The following BTG3 variants were observed in gnomAD, a reference collection of about 807,000 sequenced individuals.
BTG3 encodes the protein protein BTG3.
Under a neutral mutation model 25.8 loss-of-function variants are expected in BTG3, and 4 were observed. That is an observed-to-expected ratio of 0.16 (90% CI 0.08 to 0.36). The LOEUF is 0.36. Among genes scored for constraint, BTG3 ranks in the 10% least tolerant of loss-of-function variants. BTG3 has a pLI of 1.00. For missense variants in BTG3, 201 were observed against 304.9 expected, an observed-to-expected ratio of 0.66 and a Z score of 2.54; for synonymous variants, 107 against 99.9, an observed-to-expected ratio of 1.07 and a Z score of -0.42.
intron 3 of BTG3, among the ~76,000 whole-genome samples, chr21:17,600,563 G>A (rs1198894536): frequency 6.6e-6 from 1 of 152,112 alleles, no homozygotes; most frequent in African/African-American, 2.4e-5. Flanking sequence ...GCTTACACCT[G>A]TAATTCCAGC....
intron 2 of BTG3, among the ~76,000 whole-genome samples, chr21:17,608,441 G>A (rs1029936582): frequency 8.6e-5 from 13 of 151,608 alleles, no homozygotes; most frequent in Non-Finnish European, 1.5e-4. Flanking sequence ...TCACAGGTGA[G>A]TCACATTCAT....
Position 17,598,644 on chromosome 21 carries a change from C to G in BTG3, c.492G>C (p.Val164=), listed in dbSNP as rs368018112. 9.3e-6 allele frequency: 15 copies of G among 1,613,954 alleles called. No homozygotes were observed. The highest frequency in any genetic ancestry group is 1.3e-5 in the Non-Finnish European group (15 of 1,180,014). The stretch of plus-strand genomic sequence containing the variant: ...GGTACACAGGACTTGCGGCTGCAGT[C>G]ACCGAACTGGGTTTCACTTCCATTT... ...SKEMEVKPSS[V]TAAASPVYQI... is the part of the protein sequence containing the mutation. The change falls in exon 4 of 5, where the codon GTG becomes GTC. Residue 164 remains valine, a synonymous_variant. Transcript: ENST00000348354.
At chr21:17,600,157 A>C (rs1264274911) in intron 3 of BTG3, among the ~76,000 whole-genome samples, 1 of 152,182 alleles carries the variant, frequency 6.6e-6, no homozygotes, top group Non-Finnish European at 1.5e-5. Context: ...AAAATTCTGA[A>C]CTGTAGGAAA....
intron 3 of BTG3, among the ~76,000 whole-genome samples, chr21:17,599,454 AC>A (rs1221070700): frequency 1.0e-4 from 15 of 146,706 alleles, no homozygotes; most frequent in East Asian, 1.0e-3. Flanking sequence ...TGCTAGAATT[AC>A]AGGCATGCGC....
At position 17,598,664 on chromosome 21, in the gene BTG3, C is replaced by G; in HGVS notation, c.472G>C (p.Glu158Gln). 1 of 1,614,118 alleles carries G rather than the reference C, an allele frequency of 6.2e-7. No individual in the cohort carries two copies. The highest frequency in any genetic ancestry group is 8.5e-7 in the Non-Finnish European group (1 of 1,180,028). ...GCAGTCACCGAACTGGGTTTCACTT[C>G]CATTTCCTTACTTGTTTCTTCATCT... ...SSDEETSKEM[E>Q]VKPSSVTAAA... is the part of the protein sequence containing the mutation. Residue 158 changes from glutamate (E) to glutamine (Q), a missense_variant, in exon 4 of 5, where the codon GAA (glutamate) becomes CAA (glutamine). Coordinates refer to ENST00000348354, the MANE Select transcript of BTG3 (RefSeq NM_006806.5).
At chr21:17,607,788 G>A (rs932747881) in intron 2 of BTG3, among the ~76,000 whole-genome samples, 1 of 152,092 alleles carries the variant, frequency 6.6e-6, no homozygotes, top group Non-Finnish European at 1.5e-5. Flanking sequence ...TTTATTTCTC[G>A]TGGCCACATC....
chr21:17,606,537 A>G (rs2061645040), intron 2 of BTG3, among the ~76,000 whole-genome samples: 1 of 152,160 alleles, frequency 6.6e-6, no homozygotes, highest in South Asian at 2.1e-4. Flanking sequence ...AGTTAAGGAT[A>G]AAAAGATATA....
chr21:17,605,113 T>TAGAGA, intron 2 of BTG3, 116 bp from the exon 3 acceptor site: 1 of 1,160,516 alleles, frequency 8.6e-7, no homozygotes, highest in South Asian at 1.6e-5. Context: ...AATACCCTGG[T>TAGAGA]AGAGAACCTA....
At chr21:17,602,328 G>T (rs755932855) in intron 3 of BTG3, among the ~76,000 whole-genome samples, 5 of 152,122 alleles carry the variant, frequency 3.3e-5, no homozygotes, top group Non-Finnish European at 7.4e-5. Context: ...CAGAGTAAGT[G>T]AAGACTATGA....
chr21:17,608,935 T>C, intron 2 of BTG3, 37 bp downstream of exon 2: 1 of 1,587,210 alleles, frequency 6.3e-7, no homozygotes, highest in South Asian at 1.2e-5. Flanking sequence ...ACCTCAGGGG[T>C]TGATCAGCCT....
At position 17,609,125 on chromosome 21, in the gene BTG3, G is replaced by A; in HGVS notation, c.20C>T (p.Ala7Val). 6.2e-7 allele frequency: 1 copy of A among 1,607,362 alleles called. No individual in the cohort carries two copies. Among genetic ancestry groups the A allele is most frequent in the Non-Finnish European group, 8.5e-7 (1 of 1,178,304 alleles). The change falls in exon 2 of 5, where the codon GCC becomes GTC. Residue 7 changes from alanine to valine, a missense_variant. Coordinates refer to ENST00000348354, the MANE Select transcript of BTG3 (RefSeq NM_006806.5). The stretch of plus-strand genomic sequence containing the variant: ...TAGCCTTGTGAAAAAGAAGACAACG[G>A]CAGCAATTTCATTCTTCATTTTTTT... The part of the protein sequence containing the change: MKNEIA[A>V]VVFFFTRLVR...
chr21:17,606,514 T>C (rs562055776), intron 2 of BTG3, among the ~76,000 whole-genome samples: 1 of 152,290 alleles, frequency 6.6e-6, no homozygotes, highest in South Asian at 2.1e-4. Flanking sequence ...CCATGTGCTC[T>C]GGGACCAAAA....
chr21:17,599,409 G>A (rs970395485), intron 3 of BTG3, among the ~76,000 whole-genome samples: 1 of 151,616 alleles, frequency 6.6e-6, no homozygotes, highest in African/African-American at 2.4e-5. Flanking sequence ...CAAACTCCTA[G>A]GCTCAAGAGA....
intron 3 of BTG3, among the ~76,000 whole-genome samples, chr21:17,599,578 C>G (rs2061546949): frequency 6.7e-6 from 1 of 149,644 alleles, no homozygotes; most frequent in East Asian, 2.0e-4. Context: ...CCCAGGTGTT[C>G]AAGTGATTCT....
intron 2 of BTG3, 73 bp downstream of exon 2, chr21:17,608,899 C>T: frequency 1.3e-5 from 19 of 1,449,308 alleles, no homozygotes; most frequent in Non-Finnish European, 1.8e-5. Context: ...GGTCTGCACA[C>T]CCTTCAATCA....
intron 3 of BTG3, chr21:17,604,074 A>G: frequency 6.7e-6 from 8 of 1,198,996 alleles, no homozygotes; most frequent in Non-Finnish European, 8.6e-6. Flanking sequence ...TCACAACTCT[A>G]TTCATTAGGA....
In BTG3 at chr21:17,608,932, G is replaced by C. The variant is rs1371060481; in HGVS notation, c.173+40C>G. 1.3e-6 allele frequency: 2 copies of C among 1,584,542 alleles called. 1 individual carries two copies. The highest frequency in any genetic ancestry group is 2.3e-5 in the South Asian group (2 of 85,582). Reference sequence around the variant, plus strand: ...TCATCCGGCCTTGAACCCACCTCAGGGGTTGATCAGCCTCTGCTTAATCCA... The same window carrying C: ...TCATCCGGCCTTGAACCCACCTCAGCGGTTGATCAGCCTCTGCTTAATCCA... On this transcript the variant is annotated intron_variant, in intron 2 of 4. Coordinates refer to ENST00000348354, the MANE Select transcript of BTG3 (RefSeq NM_006806.5).
intron 2 of BTG3, among the ~76,000 whole-genome samples, chr21:17,607,044 C>G (rs565931012): frequency 2.0e-5 from 3 of 152,184 alleles, no homozygotes; most frequent in Admixed American, 2.0e-4. Context: ...ACTGAAGTCT[C>G]TACTAACTTG....
chr21:17,602,257 C>T (rs114642138), intron 3 of BTG3, among the ~76,000 whole-genome samples: 2,560 of 152,168 alleles, frequency 0.017, 71 homozygotes, highest in African/African-American at 0.057. Flanking sequence ...TTCTGTATCA[C>T]GAAGTGATAA....
Sources: gnomAD v4.1 joint callset for allele counts (sites outside exome capture counted in the v4.1 genomes callset) on GRCh38, gnomAD v4.1.1 for gene constraint, MANE v1.5 for transcripts, NCBI Gene and HGNC (gene_info 2026-07-23, HGNC 2026-07-21) for gene names.